The following ZNF805 variants were observed in gnomAD, a reference collection of about 807,000 sequenced individuals.
The protein encoded by ZNF805 is CTC-444N24.8.
In ZNF805, 7 loss-of-function variants were observed where a neutral mutation model predicts 13.6. The observed-to-expected ratio is 0.51, with a 90% CI of 0.29 to 0.97. ZNF805 has a LOEUF of 0.97. Among genes scored for constraint, ZNF805 ranks in the 50% least tolerant of loss-of-function variants. The pLI is 0.08. For missense variants in ZNF805, 604 were observed against 771.0 expected (o/e 0.78, Z 2.57); for synonymous variants, 293 against 279.8 (o/e 1.05, Z -0.47).
Position 57,240,867 on chromosome 19 carries a change from C to A in ZNF805, c.-25C>A. 1 of 1,548,302 alleles carries A rather than the reference C, an allele frequency of 6.5e-7. No homozygotes were observed. The highest frequency in any genetic ancestry group is 8.7e-7 in the Non-Finnish European group (1 of 1,145,072). ...CCGCCCTGCTCGCCGCAGCCCCCGC[C>A]CCGCTAGGGCCACAGGGTCCCGGTA... is the stretch of plus-strand genomic sequence containing the variant. On this transcript the variant is annotated 5_prime_UTR_variant, in exon 1 of 4. Transcript: ENST00000414468.
Position 57,257,698 on chromosome 19 carries a change from C to CTTTTTTTTTTTTTTTTTTTTTTTTTTTTT in ZNF805, c.*3020_*3021insTTTTTTTTTTTTTTTTTTTTTTTTTTTTT, listed in dbSNP as rs869290620. Among the ~76,000 whole-genome samples, 1 of 35,060 alleles carries CTTTTTTTTTTTTTTTTTTTTTTTTTTTTT rather than the reference C, an allele frequency of 2.9e-5. No individual in the cohort carries two copies. Among genetic ancestry groups the CTTTTTTTTTTTTTTTTTTTTTTTTTTTTT allele is most frequent in the Non-Finnish European group, 5.0e-5 (1 of 20,052 alleles). 23.0% of individuals were successfully genotyped at this position (35,060 alleles called of 152,430 possible). ...GTGGTTTTATATCCAGTTTGCGTAT[C>CTTTTTTTTTTTTTTTTTTTTTTTTTTTTT]TTTTTTTTTTTTTTTTTTTTTTTTT... On this transcript the variant is annotated 3_prime_UTR_variant, in exon 4 of 4. Coordinates refer to ENST00000414468, the MANE Select transcript of ZNF805 (RefSeq NM_001023563.4).
In ZNF805 at chr19:57,253,470, G is replaced by C; in HGVS notation, c.651G>C (p.Leu217=). ...ECEKVFNKKR[L]LARHERIHSG... ...AAAAAGTGTTTAACAAGAAACGCCT[G>C]CTTGCTCGGCATGAGAGGATTCACT... Residue 217 remains leucine (L), a synonymous_variant, in exon 4 of 4, where the codon CTG becomes CTC. Coordinates refer to ENST00000414468, the MANE Select transcript of ZNF805 (RefSeq NM_001023563.4). This position sits in a 1 kb window ranked among gnomAD's most constrained non-coding sequence, Gnocchi z 4.4. 6.3e-7 allele frequency: 1 copy of C among 1,596,788 alleles called. No individual in the cohort carries two copies. The highest frequency in any genetic ancestry group is 8.5e-7 in the Non-Finnish European group (1 of 1,170,862).
chr19:57,250,574 G>A (rs1034549376), intron 3 of ZNF805, among the ~76,000 whole-genome samples: 8 of 152,162 alleles, frequency 5.3e-5, no homozygotes, highest in African/African-American at 1.7e-4. Flanking sequence ...TTTTTTCTAG[G>A]GGATGTTAAT....
intron 2 of ZNF805, among the ~76,000 whole-genome samples, chr19:57,245,293 C>T (rs1226106071): frequency 6.6e-6 from 1 of 152,108 alleles, no homozygotes; most frequent in Non-Finnish European, 1.5e-5. Context: ...TTCACATGGC[C>T]GCCCCTTCTC....
intron 3 of ZNF805, among the ~76,000 whole-genome samples, chr19:57,251,531 C>A (rs2087652004): frequency 6.6e-6 from 1 of 151,962 alleles, no homozygotes; most frequent in East Asian, 1.9e-4. Context: ...TTATCAGTTA[C>A]ATTTGCTGCC....
Position 57,254,106 on chromosome 19 carries a change from T to C in ZNF805, c.1287T>C (p.Cys429=), listed in dbSNP as rs547750102. ...RIHTGEKPYV[C]SECGKAFTHC... The stretch of plus-strand genomic sequence containing the variant: ...ACACTGGGGAGAAGCCATATGTGTG[T>C]AGTGAATGCGGAAAGGCCTTCACCC... Residue 429 remains cysteine, a synonymous_variant, in exon 4 of 4, where the codon TGT becomes TGC. Coordinates refer to ENST00000414468, the MANE Select transcript of ZNF805 (RefSeq NM_001023563.4). The C allele has an allele frequency of 2.4e-5, 39 of 1,605,830 alleles. No homozygotes were observed. The highest frequency in any genetic ancestry group is 2.0e-4 in the Admixed American group (12 of 59,214).
chr19:57,246,135 A>G (rs2122831358), intron 2 of ZNF805, among the ~76,000 whole-genome samples: 1 of 152,298 alleles, frequency 6.6e-6, no homozygotes, highest in East Asian at 1.9e-4. Flanking sequence ...CCTTAGGCTC[A>G]CAGCCCTGAA....
chr19:57,255,657 A>G lies in ZNF805; in HGVS notation c.*954A>G, dbSNP rs891358715. On this transcript the variant is annotated 3_prime_UTR_variant, in exon 4 of 4. Transcript: ENST00000414468. ...CAATATTCACATGATGTTGGCTAGTATACAGAAACATTATTTTTTCAATCT... is the reference window on the plus strand; with the variant it reads ...CAATATTCACATGATGTTGGCTAGTGTACAGAAACATTATTTTTTCAATCT... Among the ~76,000 whole-genome samples, 1 of 152,184 alleles carries G rather than the reference A, an allele frequency of 6.6e-6. No homozygotes were observed. The highest frequency in any genetic ancestry group is 2.4e-5 in the African/African-American group (1 of 41,466).
intron 3 of ZNF805, 136 bp from the exon 4 acceptor site, chr19:57,252,937 C>A: frequency 2.9e-6 from 2 of 689,970 alleles, no homozygotes; most frequent in Non-Finnish European, 4.2e-6. Flanking sequence ...AATTATAGAT[C>A]TGGGGTTCAA....
At chr19:57,244,287 C>T (rs2087598225) in intron 2 of ZNF805, among the ~76,000 whole-genome samples, 1 of 147,264 alleles carries the variant, frequency 6.8e-6, no homozygotes, top group African/African-American at 2.5e-5. Context: ...ACTGCAACCT[C>T]CGCCTCCCAG....
Position 57,258,143 on chromosome 19 carries a change from C to T in ZNF805, c.*3440C>T, listed in dbSNP as rs2087700601. ...TCAGCCTCCCAAGTAGCTGGGATTA[C>T]AGGTGCCTGCCACCACACCTAGCTA... On this transcript the variant is annotated 3_prime_UTR_variant, in exon 4 of 4. Transcript: ENST00000414468. Among the ~76,000 whole-genome samples, 1 of 150,964 alleles carries T rather than the reference C, an allele frequency of 6.6e-6. No homozygotes were observed. Among genetic ancestry groups the T allele is most frequent in the South Asian group, 2.1e-4 (1 of 4,786 alleles).
At position 57,254,667 on chromosome 19, in the gene ZNF805, A is replaced by G. The variant is rs377016256; in HGVS notation, c.1848A>G (p.Thr616=). 139 of 1,613,706 alleles carry G rather than the reference A, an allele frequency of 8.6e-5. No homozygotes were observed. The African/African-American group carries it at 1.3e-3, about 15-fold the overall frequency. ...EEASYMASDR[T]YQRETPQVSS... is the part of the protein sequence containing the mutation. The stretch of plus-strand genomic sequence containing the variant: ...CATCTTACATGGCATCTGATCGTAC[A>G]TACCAAAGAGAAACCCCACAAGTGT... Residue 616 remains threonine (T), a synonymous_variant, in exon 4 of 4, where the codon ACA becomes ACG. Coordinates refer to ENST00000414468, the MANE Select transcript of ZNF805 (RefSeq NM_001023563.4).
rs879620920 is a variant in ZNF805 at position 57,257,594 on chromosome 19, AC to A, written c.*2892del. Among the ~76,000 whole-genome samples, 2 of 150,588 alleles carry A rather than the reference AC, an allele frequency of 1.3e-5. No individual in the cohort carries two copies. Among genetic ancestry groups the A allele is most frequent in the Admixed American group, 1.3e-4 (2 of 15,142 alleles). On this transcript the variant is annotated 3_prime_UTR_variant, in exon 4 of 4. Coordinates refer to ENST00000414468, the MANE Select transcript of ZNF805 (RefSeq NM_001023563.4). The stretch of plus-strand genomic sequence containing the variant: ...GTTTTGGTTAATGCTTGCATGATTT[AC>A]ACTTCATCATTTTTTTAAACCTTAT...
At position 57,259,766 on chromosome 19, in the gene ZNF805, G is replaced by A. The variant is rs529697937; in HGVS notation, c.*5063G>A. On this transcript the variant is annotated 3_prime_UTR_variant, in exon 4 of 4. Transcript: ENST00000414468. ...GGTGATCCACCTGCCTCGGCCTCCC[G>A]AAGTGCTGGGATTACAGGTGTGAGC... 4.6e-5 allele frequency among the ~76,000 whole-genome samples: 7 copies of A among 152,262 alleles called. 1 individual carries two copies. The highest frequency in any genetic ancestry group is 2.1e-4 in the South Asian group (1 of 4,830).
chr19:57,252,112 T>G (rs1339803365), intron 3 of ZNF805, among the ~76,000 whole-genome samples: 8 of 152,182 alleles, frequency 5.3e-5, no homozygotes, highest in African/African-American at 1.9e-4. Flanking sequence ...CACCACCCTC[T>G]CATGCACTGT....
In ZNF805 at chr19:57,256,551, T is replaced by C. The variant is rs1404305888; in HGVS notation, c.*1848T>C. ...GTATTTCATATTGGATGAATTTTTA[T>C]AGATTTTCTTAAGGAAGTGTTCATT... On this transcript the variant is annotated 3_prime_UTR_variant, in exon 4 of 4. Coordinates refer to ENST00000414468, the MANE Select transcript of ZNF805 (RefSeq NM_001023563.4). Among the ~76,000 whole-genome samples the C allele has an allele frequency of 2.0e-5, 3 of 152,172 alleles. No individual in the cohort carries two copies. Among genetic ancestry groups the C allele is most frequent in the Non-Finnish European group, 4.4e-5 (3 of 67,990 alleles).
At position 57,254,432 on chromosome 19, in the gene ZNF805, C is replaced by G. The variant is rs764486981; in HGVS notation, c.1613C>G (p.Pro538Arg). The G allele has an allele frequency of 1.2e-5, 19 of 1,614,190 alleles. No homozygotes were observed. The highest frequency in any genetic ancestry group is 1.6e-5 in the Non-Finnish European group (19 of 1,180,038). Residue 538 changes from proline to arginine, a missense_variant, in exon 4 of 4, where the codon CCG becomes CGG. Physicochemically the swap from Pro to Arg is moderately radical, Grantham distance 103. Around this residue, in one of 3 missense-constraint regions of ZNF805, gnomAD observed 228 missense variants for 352.8 expected, o/e 0.65. Coordinates refer to ENST00000414468, the MANE Select transcript of ZNF805 (RefSeq NM_001023563.4). ...TCTATCATCCACACTGGAGAGAAGC[C>G]GTATGAGTGCAGTGAATGTGGAAAG... The part of the protein sequence containing the change: ...RHSIIHTGEK[P>R]YECSECGKAF...
At position 57,259,945 on chromosome 19, in the gene ZNF805, A is replaced by T. The variant is rs1339437962; in HGVS notation, c.*5242A>T. ...AATATTTGAATAGAAATCCTAAATT[A>T]TCTGGAGGAGTAGAAGTCCTGTAAT... On this transcript the variant is annotated 3_prime_UTR_variant, in exon 4 of 4. Transcript: ENST00000414468. Among the ~76,000 whole-genome samples the T allele has an allele frequency of 6.6e-6, 1 of 152,258 alleles. No individual in the cohort carries two copies. Among genetic ancestry groups the T allele is most frequent in the Non-Finnish European group, 1.5e-5 (1 of 68,038 alleles).
At chr19:57,241,354 C>T (rs1417767854) in intron 1 of ZNF805, among the ~76,000 whole-genome samples, 3 of 152,032 alleles carry the variant, frequency 2.0e-5, no homozygotes, top group African/African-American at 7.2e-5. Context: ...TTTGCCTCCG[C>T]CTCCAAAAGA....
Sources: gnomAD v4.1 joint callset for allele counts (sites outside exome capture counted in the v4.1 genomes callset) on GRCh38, gnomAD v4.1.1 for gene constraint, gnomAD v4.1.1 regional missense constraint, Gnocchi (gnomAD v3.1) non-coding constraint, MANE v1.5 for transcripts, NCBI Gene and HGNC (gene_info 2026-07-23, HGNC 2026-07-21) for gene names.